EFR3A: variants seen among roughly 807,000 people sequenced by gnomAD.
EFR3A encodes the protein protein EFR3 homolog A.
A neutral mutation model predicts 104.4 loss-of-function variants in EFR3A; 76 were observed. The ratio of observed to expected loss-of-function variants is 0.73; its 90% CI spans 0.60 to 0.88. EFR3A has a LOEUF of 0.88. EFR3A is among the 40% of genes least tolerant of loss of function. The pLI is 0.00. For synonymous variants in EFR3A, 330 were observed against 330.0 expected (o/e 1.00, Z 0.00); for missense variants, 985 against 1,012.5 (o/e 0.97, Z 0.37).
intron 1 of EFR3A, among the ~76,000 whole-genome samples, chr8:131,930,837 G>C (rs1277383802): frequency 2.0e-5 from 3 of 151,996 alleles, no homozygotes; most frequent in African/African-American, 7.3e-5. Flanking sequence ...TTGGTCTCCT[G>C]GTTCTTTATA....
At chr8:131,973,107 G>T (rs1451793302) in intron 10 of EFR3A, among the ~76,000 whole-genome samples, 1 of 149,452 alleles carries the variant, frequency 6.7e-6, no homozygotes, top group African/African-American at 2.5e-5. Context: ...AAATACCCAG[G>T]AGTGTCTCAT....
In EFR3A at chr8:131,955,758, T is replaced by C; in HGVS notation, c.639-10T>C. 3.1e-6 allele frequency: 5 copies of C among 1,599,418 alleles called. No homozygotes were observed. Among genetic ancestry groups the C allele is most frequent in the Non-Finnish European group, 4.3e-6 (5 of 1,174,700 alleles). ...TCTTGTGTTTTTCTTTATTTCTCGT[T>C]CCTTTTTAGTCGCATAGGCCCTCCT... is the stretch of plus-strand genomic sequence containing the variant. On this transcript the variant is annotated splice_polypyrimidine_tract_variant and intron_variant, in intron 6 of 22. Coordinates refer to ENST00000254624, the MANE Select transcript of EFR3A (RefSeq NM_015137.6).
At chr8:131,936,435 A>G (rs1817886938) in intron 1 of EFR3A, among the ~76,000 whole-genome samples, 1 of 152,186 alleles carries the variant, frequency 6.6e-6, no homozygotes, top group Admixed American at 6.6e-5. Context: ...AGGTAGTGTC[A>G]CAACCCACAG....
At chr8:131,941,974 G>T (rs935153653) in intron 2 of EFR3A, among the ~76,000 whole-genome samples, 1 of 152,064 alleles carries the variant, frequency 6.6e-6, no homozygotes, top group Non-Finnish European at 1.5e-5. Context: ...TGAAATTTCA[G>T]ATGTTATCAA....
intron 1 of EFR3A, among the ~76,000 whole-genome samples, chr8:131,921,390 C>G (rs1430741977): frequency 2.0e-5 from 3 of 152,054 alleles, no homozygotes; most frequent in African/African-American, 7.2e-5. Flanking sequence ...ATGGCCCTAT[C>G]CTAACTTGAT....
chr8:131,970,602 A>G lies in EFR3A; in HGVS notation c.1118A>G (p.Asn373Ser), dbSNP rs376499054. 44 of 1,613,732 alleles carry G rather than the reference A, an allele frequency of 2.7e-5. No homozygotes were observed. The African/African-American group carries it at 4.3e-4, about 16-fold the overall frequency. ...SVNLNTSSKD[N>S]DEKIVQNAII... ...AACTTAAATACAAGTTCCAAAGACA[A>G]TGATGAGAAGATTGTGCAGAATGCT... The change falls in exon 10 of 23, where the codon AAT (asparagine) becomes AGT (serine). Residue 373 changes from asparagine to serine, a missense_variant. By Grantham distance (46) the Asn-to-Ser change is conservative. Coordinates refer to ENST00000254624, the MANE Select transcript of EFR3A (RefSeq NM_015137.6).
intron 18 of EFR3A, among the ~76,000 whole-genome samples, chr8:131,992,122 G>C (rs1821218816): frequency 6.6e-6 from 1 of 152,020 alleles, no homozygotes. Flanking sequence ...CCTCCTTTGA[G>C]AGAAGCCCTT....
At chr8:131,922,756 C>T (rs1817112369) in intron 1 of EFR3A, among the ~76,000 whole-genome samples, 1 of 152,100 alleles carries the variant, frequency 6.6e-6, no homozygotes, top group Non-Finnish European at 1.5e-5. Context: ...CTTGGTTTTC[C>T]AGCTACATAA....
intron 22 of EFR3A, among the ~76,000 whole-genome samples, chr8:132,004,666 T>G (rs1032190136): frequency 2.0e-4 from 30 of 152,232 alleles, no homozygotes; most frequent in Non-Finnish European, 4.4e-4. Flanking sequence ...ATAGTAAATG[T>G]CTACTGTGTA....
rs563344802 is a variant in EFR3A at position 131,985,142 on chromosome 8, T to C, written c.1869+82T>C. ...TTCCAGTGATGATTATTTTTAACTTTGGTGATTACGTATCAAATTAAGGTA... is the reference window on the plus strand; with the variant it reads ...TTCCAGTGATGATTATTTTTAACTTCGGTGATTACGTATCAAATTAAGGTA... On this transcript the variant is annotated intron_variant, in intron 16 of 22. Coordinates refer to ENST00000254624, the MANE Select transcript of EFR3A (RefSeq NM_015137.6). 8.7e-6 allele frequency: 12 copies of C among 1,375,676 alleles called. No homozygotes were observed. In the East Asian group the frequency reaches 2.3e-4, roughly 27 times the overall value. The allele number at this position is 1,375,676 out of a possible 1,614,324, so 85.2% of individuals were successfully genotyped here.
intron 8 of EFR3A, among the ~76,000 whole-genome samples, chr8:131,964,335 C>T (rs1350849940): frequency 6.6e-6 from 1 of 152,094 alleles, no homozygotes; most frequent in African/African-American, 2.4e-5. Flanking sequence ...ATCATCTCAG[C>T]CCAAAATCTC....
chr8:131,920,615 T>C (rs1332992479), intron 1 of EFR3A, among the ~76,000 whole-genome samples: 1 of 152,156 alleles, frequency 6.6e-6, no homozygotes, highest in African/African-American at 2.4e-5. Flanking sequence ...TGGCAGTAAT[T>C]GTATAATTTT....
Position 131,985,008 on chromosome 8 carries a change from A to G in EFR3A, c.1817A>G (p.Asn606Ser), listed in dbSNP as rs746488431. ...ATGGCACTGGTTGCAGCATACCTCA[A>G]CTTTGTAAGTCAGATGATAGCTGTC... ...GIMALVAAYL[N>S]FVSQMIAVPA... The change falls in exon 16 of 23, where the codon AAC becomes AGC. Residue 606 changes from asparagine (N) to serine (S), a missense_variant. By Grantham distance (46) the Asn-to-Ser change is conservative. Transcript: ENST00000254624. 1.9e-6 allele frequency: 3 copies of G among 1,613,644 alleles called. No individual in the cohort carries two copies. The highest frequency in any genetic ancestry group is 2.5e-6 in the Non-Finnish European group (3 of 1,179,674).
chr8:131,968,430 G>A lies in EFR3A; in HGVS notation c.991G>A (p.Gly331Ser). 6.2e-7 allele frequency: 1 copy of A among 1,613,170 alleles called. No individual in the cohort carries two copies. The highest frequency in any genetic ancestry group is 1.1e-5 in the South Asian group (1 of 91,010). The change falls in exon 9 of 23, where the codon GGT becomes AGT. Residue 331 changes from glycine (G) to serine (S), a missense_variant and splice_region_variant. Transcript: ENST00000254624. ...TGCCATTGCTGCTAAAGGTTCCATA[G>A]GTGAGTGCCAATAAATAAAATAAAA... ...AVAIAAKGSIGPTVLEVFNTL... is the reference protein window; with the variant it reads ...AVAIAAKGSISPTVLEVFNTL...
intron 1 of EFR3A, among the ~76,000 whole-genome samples, chr8:131,913,276 G>T (rs1328641554): frequency 6.6e-6 from 1 of 151,580 alleles, no homozygotes; most frequent in Non-Finnish European, 1.5e-5. Context: ...GTATTTGCCG[G>T]GTTTATTCAG....
intron 1 of EFR3A, among the ~76,000 whole-genome samples, chr8:131,919,695 C>T (rs1433148578): frequency 6.6e-6 from 1 of 151,478 alleles, no homozygotes; most frequent in Non-Finnish European, 1.5e-5. Flanking sequence ...TGGACAGATA[C>T]TTTTAACAAA....
intron 3 of EFR3A, among the ~76,000 whole-genome samples, chr8:131,945,659 A>T (rs949402934): frequency 1.3e-5 from 2 of 152,092 alleles, no homozygotes; most frequent in Admixed American, 1.3e-4. Flanking sequence ...AAATTGATAC[A>T]TAATATTTTA....
chr8:131,994,378 C>T (rs980205517), intron 18 of EFR3A, among the ~76,000 whole-genome samples: 7 of 152,120 alleles, frequency 4.6e-5, no homozygotes, highest in African/African-American at 1.7e-4. Context: ...GGGTACTGTT[C>T]TCCTTAGCTC....
At chr8:131,986,388 GTCATTTAAT>G (rs141130288) in intron 17 of EFR3A, 127 bp downstream of exon 17, 142,484 of 473,930 alleles carry the variant, frequency 0.3, 23,802 homozygotes, top group East Asian at 0.53. Flanking sequence ...TTTTGTGTCT[GTCATTTAAT>G]TCATTTAATT....
Sources: gnomAD v4.1 joint callset for allele counts (sites outside exome capture counted in the v4.1 genomes callset) on GRCh38, gnomAD v4.1.1 for gene constraint, MANE v1.5 for transcripts, NCBI Gene and HGNC (gene_info 2026-07-23, HGNC 2026-07-21) for gene names.